Variants in PACS2 observed in about 807,000 individuals in gnomAD.
The protein encoded by PACS2 is phosphofurin acidic cluster sorting protein 2.
Under a neutral mutation model 113.0 loss-of-function variants are expected in PACS2, and 36 were observed. The ratio of observed to expected loss-of-function variants is 0.32; its 90% confidence interval spans 0.24 to 0.42. PACS2 has a LOEUF of 0.42. PACS2 is among the 10% of genes least tolerant of loss of function. PACS2 has a pLI of 1.00. For missense variants in PACS2, 1,015 were observed against 1,239.5 expected (o/e 0.82, Z 2.72); for synonymous variants, 589 against 536.1 (o/e 1.10, Z -1.36).
chr14:105,324,613 C>T lies in PACS2; in HGVS notation c.119+9576C>T, dbSNP rs961265538. On this transcript the variant is annotated intron_variant, in intron 1 of 24. Transcript: ENST00000447393. The surrounding 1 kb of genome is among the most constrained non-coding windows in gnomAD (Gnocchi z 4.7). ...GCGCCGATGTGTGCTCAGCTCAGGC[C>T]GACTTAGCAGGGTTGTGAGAGTGAT... 2.6e-5 allele frequency among the ~76,000 whole-genome samples: 4 copies of T among 152,202 alleles called. No homozygotes were observed. The highest frequency in any genetic ancestry group is 2.9e-5 in the Non-Finnish European group (2 of 68,026).
Position 105,382,059 on chromosome 14 carries a change from G to A in PACS2, c.1413+1G>A, listed in dbSNP as rs1244866743. ...GAGCCAGCTACAGGTGCAGCTGCAG[G>A]TGGGGGTGGAGGGCGTGGCACGCCC... On this transcript the variant is annotated splice_donor_variant, in intron 13 of 24. Transcript: ENST00000447393. LOFTEE classifies it high-confidence loss of function. 6.5e-7 allele frequency: 1 copy of A among 1,542,420 alleles called. No homozygotes were observed. Among genetic ancestry groups the A allele is most frequent in the South Asian group, 1.2e-5 (1 of 83,820 alleles).
chr14:105,349,595 G>A (rs587718128), intron 2 of PACS2, among the ~76,000 whole-genome samples: 95 of 152,394 alleles, frequency 6.2e-4, no homozygotes, highest in African/African-American at 2.2e-3. Flanking sequence ...CAAGCACTGG[G>A]TCTTGAGTGC....
intron 1 of PACS2, among the ~76,000 whole-genome samples, chr14:105,333,959 C>T (rs899637777): frequency 1.3e-5 from 2 of 152,250 alleles, no homozygotes; most frequent in East Asian, 1.9e-4. Context: ...CAGAAACGCC[C>T]TTGCTGGGCA....
chr14:105,338,566 C>A (rs2059612296), intron 1 of PACS2, among the ~76,000 whole-genome samples: 2 of 152,176 alleles, frequency 1.3e-5, no homozygotes, highest in Non-Finnish European at 2.9e-5. Context: ...CCAGTGTGAT[C>A]CTTGCTGGGT....
chr14:105,391,982 C>T, intron 22 of PACS2: 1 of 566,642 alleles, frequency 1.8e-6, no homozygotes, highest in Non-Finnish European at 3.1e-6. Flanking sequence ...ACAGAAACTC[C>T]TGCACAGTGA....
At chr14:105,377,788 A>G (rs2080837809) in intron 9 of PACS2, among the ~76,000 whole-genome samples, 2 of 152,240 alleles carry the variant, frequency 1.3e-5, no homozygotes, top group African/African-American at 4.8e-5. Context: ...GCCACCAGAA[A>G]CAGCCTCTGT....
intron 3 of PACS2, 85 bp downstream of exon 3, chr14:105,352,552 CG>C: frequency 1.4e-6 from 1 of 712,932 alleles, no homozygotes. Context: ...CCTGGGGAGA[CG>C]GGCCCCCCTC....
intron 16 of PACS2, 123 bp from the exon 17 acceptor site, chr14:105,384,230 G>T: frequency 1.6e-6 from 1 of 613,412 alleles, no homozygotes; most frequent in East Asian, 2.8e-5. Flanking sequence ...TGGCAGGAAA[G>T]TGGGCTTGTC....
chr14:105,368,992 C>G (rs1378701611), intron 7 of PACS2, among the ~76,000 whole-genome samples: 1 of 152,244 alleles, frequency 6.6e-6, no homozygotes, highest in African/African-American at 2.4e-5. Flanking sequence ...GCAGCTCTTT[C>G]CTCAGAGGCC....
At chr14:105,362,994 C>CA (rs1243268889) in intron 4 of PACS2, among the ~76,000 whole-genome samples, 30 of 152,244 alleles carry the variant, frequency 2.0e-4, no homozygotes, top group African/African-American at 7.2e-4. Context: ...TGTCAATGAG[C>CA]AGTCATATTT....
chr14:105,309,656 C>T (rs150756559), upstream of PACS2, among the ~76,000 whole-genome samples: 1,234 of 152,190 alleles, frequency 8.1e-3, 22 homozygotes, highest in African/African-American at 0.028. This position sits in a 1 kb window ranked among gnomAD's most constrained non-coding sequence, Gnocchi z 4.0. Flanking sequence ...GAGGGAGCTG[C>T]GCTGCCTGCG....
At chr14:105,332,300 C>T (rs1266482930) in intron 1 of PACS2, among the ~76,000 whole-genome samples, 1 of 152,204 alleles carries the variant, frequency 6.6e-6, no homozygotes, top group African/African-American at 2.4e-5. Flanking sequence ...GCACAGTGGT[C>T]CTCCCCTCTG....
intron 8 of PACS2, chr14:105,372,349 AG>A (rs1409855282): frequency 2.6e-5 from 4 of 152,272 alleles, no homozygotes; most frequent in African/African-American, 9.6e-5. Flanking sequence ...AGTTCATTGG[AG>A]AAAATATCTT....
At chr14:105,387,228 C>CA (rs1464305297) in intron 19 of PACS2, among the ~76,000 whole-genome samples, 1 of 152,170 alleles carries the variant, frequency 6.6e-6, no homozygotes, top group African/African-American at 2.4e-5. Flanking sequence ...GCCCTTGTGA[C>CA]GGGGGACCTG....
chr14:105,328,190 C>T lies in PACS2; in HGVS notation c.119+13153C>T, dbSNP rs1485596024. The stretch of plus-strand genomic sequence containing the variant: ...GAGGTGCACGGAGAAGAGAGGGGTG[C>T]AGTTCTTAAAGGACACATGGCTTAT... On this transcript the variant is annotated intron_variant, in intron 1 of 24. Transcript: ENST00000447393. Among the ~76,000 whole-genome samples the T allele has an allele frequency of 2.0e-5, 3 of 152,238 alleles. No homozygotes were observed. In the East Asian group the frequency reaches 5.8e-4, roughly 29 times the overall value.
At chr14:105,333,475 C>T (rs2059384199) in intron 1 of PACS2, among the ~76,000 whole-genome samples, 1 of 152,204 alleles carries the variant, frequency 6.6e-6, no homozygotes, top group South Asian at 2.1e-4. Context: ...GCTGGGGGCA[C>T]AGTGTCTCGG....
chr14:105,369,951 TG>T, intron 8 of PACS2, 51 bp downstream of exon 8: 1 of 1,509,342 alleles, frequency 6.6e-7, no homozygotes, highest in Non-Finnish European at 9.0e-7. Context: ...CAACAGCACC[TG>T]GTCGGGAGGA....
chr14:105,351,134 G>A (rs1054296321), intron 2 of PACS2, among the ~76,000 whole-genome samples: 10 of 152,288 alleles, frequency 6.6e-5, no homozygotes, highest in South Asian at 4.2e-4. Context: ...ACTGTGTCCC[G>A]CGCGCCGGCC....
intron 15 of PACS2, 94 bp from the exon 16 acceptor site, chr14:105,383,265 G>C: frequency 7.0e-7 from 1 of 1,424,884 alleles, no homozygotes; most frequent in Non-Finnish European, 9.8e-7. Context: ...CCACAGGCAC[G>C]GAGCCCCCTG....
Sources: gnomAD v4.1 joint callset for allele counts (sites outside exome capture counted in the v4.1 genomes callset) on GRCh38, gnomAD v4.1.1 for gene constraint, Gnocchi (gnomAD v3.1) non-coding constraint, MANE v1.5 for transcripts, NCBI Gene and HGNC (gene_info 2026-07-23, HGNC 2026-07-21) for gene names.